The following MTMR6 variants were observed in gnomAD, a reference collection of about 807,000 sequenced individuals.
MTMR6 encodes myotubularin related protein 6.
In MTMR6, 47 loss-of-function variants were observed where a neutral mutation model predicts 80.1. The observed-to-expected ratio is 0.59, with a 90% CI of 0.46 to 0.75. The LOEUF (loss-of-function observed/expected upper bound fraction) is 0.75, where lower values mean the gene tolerates loss of function less well. Ranked by LOEUF, MTMR6 falls within the 30% of genes least tolerant of loss-of-function variation. The probability of loss-of-function intolerance (pLI) is 0.00; values close to 1 mark genes in which losing one functional copy is unlikely to be tolerated. For missense variants in MTMR6, 629 were observed against 730.9 expected, an observed-to-expected ratio of 0.86 and a Z score of 1.61; for synonymous variants, 254 against 253.0, an observed-to-expected ratio of 1.00 and a Z score of -0.04.
intron 1 of MTMR6, among the ~76,000 whole-genome samples, chr13:25,282,113 A>AT (rs751392955): frequency 2.0e-4 from 31 of 152,246 alleles, no homozygotes; most frequent in Non-Finnish European, 2.9e-4. Context: ...GCAACCAGGC[A>AT]TGCCCTCAAA....
intron 13 of MTMR6, among the ~76,000 whole-genome samples, 188 bp from the exon 14 acceptor site, chr13:25,249,680 G>A (rs1000707379): frequency 5.3e-5 from 8 of 152,136 alleles, no homozygotes; most frequent in African/African-American, 1.7e-4. Flanking sequence ...ATTTTTTGCT[G>A]TGGAAAATTG....
intron 1 of MTMR6, among the ~76,000 whole-genome samples, chr13:25,279,924 G>A (rs1477443120): frequency 6.6e-6 from 1 of 152,158 alleles, no homozygotes; most frequent in East Asian, 1.9e-4. Flanking sequence ...AGTCCATTAG[G>A]AAATATGGCT....
intron 2 of MTMR6, among the ~76,000 whole-genome samples, chr13:25,272,212 T>C (rs778116447): frequency 6.6e-6 from 1 of 152,142 alleles, no homozygotes; most frequent in Non-Finnish European, 1.5e-5. Flanking sequence ...GAAGAAAATA[T>C]AGAAGAACCT....
intron 5 of MTMR6, among the ~76,000 whole-genome samples, chr13:25,265,377 T>G (rs747648100): frequency 6.6e-6 from 1 of 152,196 alleles, no homozygotes; most frequent in East Asian, 1.9e-4. Flanking sequence ...AGTAGTTTTG[T>G]TTTAAATTTG....
intron 1 of MTMR6, among the ~76,000 whole-genome samples, chr13:25,279,730 G>T (rs943980886): frequency 3.3e-5 from 5 of 152,076 alleles, no homozygotes; most frequent in South Asian, 2.1e-4. Flanking sequence ...TGTAAATGAT[G>T]AAAGCACAGA....
At chr13:25,278,760 C>T (rs1253100453) in intron 1 of MTMR6, among the ~76,000 whole-genome samples, 2 of 149,660 alleles carry the variant, frequency 1.3e-5, no homozygotes, top group South Asian at 2.1e-4. Context: ...TGGTGCACAC[C>T]TGTAATCCCA....
chr13:25,283,190 C>T (rs1269182437), intron 1 of MTMR6, among the ~76,000 whole-genome samples: 3 of 152,076 alleles, frequency 2.0e-5, no homozygotes, highest in Non-Finnish European at 4.4e-5. Flanking sequence ...GATTATTATT[C>T]TGTGAGGCAA....
At chr13:25,265,327 C>G (rs1483217924) in intron 5 of MTMR6, among the ~76,000 whole-genome samples, 1 of 151,994 alleles carries the variant, frequency 6.6e-6, no homozygotes, top group Non-Finnish European at 1.5e-5. Flanking sequence ...AAGGGAGGGT[C>G]AAGAAAAGAT....
At position 25,261,662 on chromosome 13, in the gene MTMR6, A is replaced by G; in HGVS notation, c.726+6T>C. On this transcript the variant is annotated splice_donor_region_variant and intron_variant, in intron 6 of 13. Coordinates refer to ENST00000381801, the MANE Select transcript of MTMR6 (RefSeq NM_004685.5). ...TAGCAGACTGTACTGTATTTAAAAT[A>G]CATACTTTTGGCCTGGTATCCATGA... 6.2e-7 allele frequency: 1 copy of G among 1,605,832 alleles called. No individual in the cohort carries two copies. The highest frequency in any genetic ancestry group is 1.1e-5 in the South Asian group (1 of 89,780).
rs1052445766 is a variant in MTMR6 at position 25,247,810 on chromosome 13, T to C, written c.*1422A>G. ...AAAAGATGTTTATATTCAAAACTAA[T>C]ATAATAGAGGTGTAACAGAAAGTAG... On this transcript the variant is annotated 3_prime_UTR_variant, in exon 14 of 14. Transcript: ENST00000381801. The C allele has an allele frequency of 5.3e-5, 8 of 152,272 alleles. No individual in the cohort carries two copies. The East Asian group carries it at 1.2e-3, about 22-fold the overall frequency. 9.4% of individuals were successfully genotyped at this position (152,272 alleles called of 1,614,324 possible). A position where few individuals can be genotyped will look rare whatever the true frequency, so the allele number is the denominator to read the frequency against.
In MTMR6 at chr13:25,254,424, T is replaced by A; in HGVS notation, c.1106A>T (p.Glu369Val). The A allele has an allele frequency of 6.4e-7, 1 of 1,561,400 alleles. No homozygotes were observed. Among genetic ancestry groups the A allele is most frequent in the Non-Finnish European group, 8.8e-7 (1 of 1,136,234 alleles). The change falls in exon 10 of 14, where the codon GAA (glutamate) becomes GTA (valine). Residue 369 changes from glutamate (E) to valine (V), a missense_variant. Glu to Val is a moderately radical substitution (Grantham distance 121). Coordinates refer to ENST00000381801, the MANE Select transcript of MTMR6 (RefSeq NM_004685.5). ...ATGTCCAAAAGAGATCCAATCCTTT[T>A]CTATTAAAACCTTAATGAGAAAAAG... ...RTIKGFMVLI[E>V]KDWISFGHKF...
At chr13:25,271,396 T>G (rs1957572790) in intron 2 of MTMR6, among the ~76,000 whole-genome samples, 1 of 152,162 alleles carries the variant, frequency 6.6e-6, no homozygotes, top group African/African-American at 2.4e-5. Context: ...ACCCAAGCAG[T>G]GAACAGCAGA....
rs758510620 is a variant in MTMR6, at chr13:25,266,274, T to A, written c.317A>T (p.Asp106Val). ...GGGATTATAAGAAAATGCATAGAGA[T>A]CTTCATATTTTGCTACAGAATACAA... ...LQLSKQAKYE[D>V]LYAFSYNPKQ... is the part of the protein sequence containing the mutation. The change falls in exon 4 of 14, where the codon GAT (aspartate) becomes GTT (valine). Residue 106 changes from aspartate (D) to valine (V), a missense_variant. Transcript: ENST00000381801. 6.2e-7 allele frequency: 1 copy of A among 1,610,878 alleles called. No individual in the cohort carries two copies. The highest frequency in any genetic ancestry group is 2.2e-5 in the East Asian group (1 of 44,862).
intron 8 of MTMR6, 91 bp from the exon 9 acceptor site, chr13:25,257,412 A>G: frequency 6.9e-7 from 1 of 1,439,864 alleles, no homozygotes; most frequent in Non-Finnish European, 9.4e-7. Context: ...TTGTGTTACA[A>G]GGAAGTGCTA....
At position 25,273,283 on chromosome 13, in the gene MTMR6, C is replaced by T. The variant is rs923919164; in HGVS notation, c.141+788G>A. On this transcript the variant is annotated intron_variant, in intron 2 of 13. Transcript: ENST00000381801. ...ATTCAAGACCCAATAATTTTACTCC[C>T]AGACAAATATCCCAGAGAAACTCTG... is the stretch of plus-strand genomic sequence containing the variant. Among the ~76,000 whole-genome samples the T allele has an allele frequency of 3.3e-5, 5 of 152,098 alleles. No individual in the cohort carries two copies. In the East Asian group the frequency reaches 9.7e-4, roughly 29 times the overall value.
At chr13:25,265,111 T>C (rs1957428461) in intron 5 of MTMR6, among the ~76,000 whole-genome samples, 1 of 152,150 alleles carries the variant, frequency 6.6e-6, no homozygotes, top group Admixed American at 6.5e-5. Context: ...TCCTCCACTG[T>C]TTCATGTTGC....
Position 25,251,834 on chromosome 13 carries a change from T to C in MTMR6, c.1478+19A>G. The C allele has an allele frequency of 1.2e-6, 2 of 1,601,922 alleles. No homozygotes were observed. Among genetic ancestry groups the C allele is most frequent in the South Asian group, 1.1e-5 (1 of 87,930 alleles). On this transcript the variant is annotated intron_variant, in intron 12 of 13. Coordinates refer to ENST00000381801, the MANE Select transcript of MTMR6 (RefSeq NM_004685.5). This position sits in a 1 kb window ranked among gnomAD's most constrained non-coding sequence, Gnocchi z 4.1. ...TTTGAGAAAATTCAAGTATAAATACTCCAATGATGTCAACTTACTTAAAAT... is the reference window on the plus strand; with the variant it reads ...TTTGAGAAAATTCAAGTATAAATACCCCAATGATGTCAACTTACTTAAAAT...
rs577081629 is a variant in MTMR6 at position 25,269,315 on chromosome 13, T to C, written c.142-1374A>G. Among the ~76,000 whole-genome samples the C allele has an allele frequency of 4.6e-5, 7 of 152,310 alleles. No homozygotes were observed. The East Asian group carries it at 1.4e-3, about 29-fold the overall frequency. ...GCCCAAGCCAGAAATATGGATGTCATCCCTGATACCTCCTTTATCACAATA... is the reference window on the plus strand; with the variant it reads ...GCCCAAGCCAGAAATATGGATGTCACCCCTGATACCTCCTTTATCACAATA... On this transcript the variant is annotated intron_variant, in intron 2 of 13. Coordinates refer to ENST00000381801, the MANE Select transcript of MTMR6 (RefSeq NM_004685.5).
chr13:25,260,462 G>T (rs1957308928), intron 6 of MTMR6: 2 of 497,186 alleles, frequency 4.0e-6, no homozygotes, highest in South Asian at 2.3e-5. Context: ...CTCTTCTTCT[G>T]GTTTCTAAAT....
Sources: allele counts gnomAD v4.1 joint callset (sites outside exome capture counted in the v4.1 genomes callset), GRCh38; gene constraint gnomAD v4.1.1; non-coding constraint Gnocchi (gnomAD v3.1); transcripts MANE v1.5; gene names NCBI Gene and HGNC (gene_info 2026-07-23, HGNC 2026-07-21).